The following C12orf42 variants were observed in gnomAD, a reference collection of about 807,000 sequenced individuals.
The protein encoded by C12orf42 is uncharacterized protein C12orf42.
C12orf42 carries 25 observed loss-of-function variants against 21.6 expected under a neutral mutation model. That is an observed-to-expected ratio of 1.16 (90% CI 0.84 to 1.62). The LOEUF (loss-of-function observed/expected upper bound fraction) is 1.62. C12orf42 is among the 40% of genes most tolerant of loss of function. C12orf42 has a pLI of 0.00. For missense variants in C12orf42, 483 were observed against 459.3 expected (o/e 1.05, Z -0.47); for synonymous variants, 174 against 175.0 (o/e 0.99, Z 0.05).
intron 2 of C12orf42, among the ~76,000 whole-genome samples, chr12:103,463,080 C>A (rs1214313594): frequency 1.3e-5 from 2 of 152,144 alleles, no homozygotes; most frequent in African/African-American, 4.8e-5. Flanking sequence ...ATAATGGGAT[C>A]GCTCTTAAAA....
chr12:103,101,937 G>A, the C12orf42 span, among the ~76,000 whole-genome samples: 1 of 152,238 alleles, frequency 6.6e-6, no homozygotes, highest in Non-Finnish European at 1.5e-5. Flanking sequence ...CTAAACTAGA[G>A]TTGCTCACAT....
At chr12:103,181,286 T>TA in the C12orf42 span, among the ~76,000 whole-genome samples, 12 of 150,728 alleles carry the variant, frequency 8.0e-5, no homozygotes, top group East Asian at 5.9e-4. Flanking sequence ...AAGTAAAAAT[T>TA]AAAAAAAATA....
the C12orf42 span, among the ~76,000 whole-genome samples, chr12:103,216,471 C>T: frequency 4.9e-3 from 745 of 151,120 alleles, 3 homozygotes; most frequent in African/African-American, 0.017. Context: ...CCCGGGTTCA[C>T]GCCATTCTCC....
At chr12:103,332,364 T>A (rs2041312549) in intron 4 of C12orf42, among the ~76,000 whole-genome samples, 1 of 152,174 alleles carries the variant, frequency 6.6e-6, no homozygotes, top group Non-Finnish European at 1.5e-5. Flanking sequence ...GTGGTACAAT[T>A]GGGTGTTTGA....
chr12:103,451,864 A>G (rs1481224906), intron 2 of C12orf42, among the ~76,000 whole-genome samples: 2 of 152,034 alleles, frequency 1.3e-5, no homozygotes, highest in Non-Finnish European at 2.9e-5. Context: ...CTCTGCTTGT[A>G]GCCCAGTTCC....
chr12:103,311,246 T>A (rs982006946), intron 4 of C12orf42, among the ~76,000 whole-genome samples: 1 of 152,032 alleles, frequency 6.6e-6, no homozygotes, highest in Non-Finnish European at 1.5e-5. Context: ...GAATAATTAA[T>A]AAGCCACTAG....
upstream of C12orf42, chr12:103,496,065 G>C (rs939276570): frequency 4.6e-5 from 7 of 152,422 alleles, no homozygotes; most frequent in African/African-American, 1.4e-4. Context: ...CCTCCCCCGC[G>C]ACTGCCACCA....
At chr12:103,222,789 C>T in the C12orf42 span, among the ~76,000 whole-genome samples, 781 of 151,836 alleles carry the variant, frequency 5.1e-3, 5 homozygotes, top group Non-Finnish European at 9.2e-3. Context: ...GATGGATCTA[C>T]TCTGTCCCCA....
chr12:103,204,881 G>T, the C12orf42 span, among the ~76,000 whole-genome samples: 1 of 151,994 alleles, frequency 6.6e-6, no homozygotes, highest in Non-Finnish European at 1.5e-5. Flanking sequence ...TTACAATATT[G>T]ATACATCTAA....
At chr12:103,273,928 C>T (rs544019230) in intron 5 of C12orf42, 23 of 456,056 alleles carry the variant, frequency 5.0e-5, no homozygotes, top group African/African-American at 1.8e-4. Flanking sequence ...AAGTGCTTTT[C>T]GCATACTCAC....
At chr12:103,492,395 G>A (rs1955241471) in intron 1 of C12orf42, among the ~76,000 whole-genome samples, 1 of 152,224 alleles carries the variant, frequency 6.6e-6, no homozygotes, top group Non-Finnish European at 1.5e-5. Context: ...TCAACTGCCT[G>A]ACTTCACAGG....
chr12:103,145,964 GAGAGAA>G, the C12orf42 span, among the ~76,000 whole-genome samples: 1 of 151,870 alleles, frequency 6.6e-6, no homozygotes, highest in African/African-American at 2.4e-5. Context: ...TAGAGAGAGA[GAGAGAA>G]AGAGAGAAAG....
intron 4 of C12orf42, among the ~76,000 whole-genome samples, chr12:103,360,661 A>C (rs1359327914): frequency 1.4e-4 from 21 of 148,528 alleles, no homozygotes; most frequent in Admixed American, 1.3e-3. Flanking sequence ...TTTTAAAAGA[A>C]TAAAGAAGTT....
intron 10 of C12orf42, among the ~76,000 whole-genome samples, chr12:103,255,454 AT>A (rs2034516100): frequency 6.6e-6 from 1 of 152,148 alleles, no homozygotes; most frequent in Non-Finnish European, 1.5e-5. Context: ...TCCCATTTAA[AT>A]TTTAGATTTG....
intron 10 of C12orf42, among the ~76,000 whole-genome samples, chr12:103,246,909 AT>A (rs1202253854): frequency 2.0e-5 from 3 of 152,084 alleles, no homozygotes; most frequent in African/African-American, 7.2e-5. Flanking sequence ...AGTCTATATT[AT>A]TTATTCCTAG....
chr12:103,515,066 G>A, the C12orf42 span, among the ~76,000 whole-genome samples: 1 of 152,120 alleles, frequency 6.6e-6, no homozygotes, highest in East Asian at 1.9e-4. Context: ...TAATGTACAA[G>A]ACACCCCACA....
the C12orf42 span, among the ~76,000 whole-genome samples, chr12:103,090,007 A>G: frequency 3.9e-5 from 6 of 152,234 alleles, no homozygotes; most frequent in Admixed American, 3.3e-4. Flanking sequence ...ATTAGAACCC[A>G]GAGCCAGCAG....
chr12:103,111,769 C>T, the C12orf42 span, among the ~76,000 whole-genome samples: 1 of 152,262 alleles, frequency 6.6e-6, no homozygotes. Context: ...AGAATTCACA[C>T]AGAATTTTAA....
downstream of C12orf42, among the ~76,000 whole-genome samples, chr12:103,234,758 G>C (rs748149403): frequency 6.6e-6 from 1 of 151,880 alleles, no homozygotes; most frequent in Non-Finnish European, 1.5e-5. Flanking sequence ...AACCCACCAG[G>C]TCCTTTATGA....
Sources: gnomAD v4.1 joint callset for allele counts (sites outside exome capture counted in the v4.1 genomes callset) on GRCh38, gnomAD v4.1.1 for gene constraint, MANE v1.5 for transcripts, NCBI Gene and HGNC (gene_info 2026-07-23, HGNC 2026-07-21) for gene names.